The following BCAS3 variants were observed in gnomAD, a reference collection of about 807,000 sequenced individuals.
BCAS3 encodes BCAS3 microtubule associated cell migration factor, also known as BCAS4/BCAS3 fusion.
Under a neutral mutation model 116.1 loss-of-function variants are expected in BCAS3, and 53 were observed. That is an observed-to-expected ratio of 0.46 (90% CI 0.37 to 0.57). The LOEUF (loss-of-function observed/expected upper bound fraction) is 0.57. Ranked by LOEUF, BCAS3 falls within the 20% of genes least tolerant of loss-of-function variation. The probability of loss-of-function intolerance (pLI) is 0.00; values close to 1 mark genes in which losing one functional copy is unlikely to be tolerated. For synonymous variants in BCAS3, 391 were observed against 408.2 expected (o/e 0.96, Z 0.51); for missense variants, 917 against 1,165.4 (o/e 0.79, Z 3.10).
intron 22 of BCAS3, among the ~76,000 whole-genome samples, chr17:61,143,972 A>G (rs2077060718): frequency 6.6e-6 from 1 of 152,224 alleles, no homozygotes; most frequent in African/African-American, 2.4e-5. Flanking sequence ...TCATGAAATC[A>G]GAAAGAATTT....
chr17:60,728,197 C>T (rs2040105293), intron 5 of BCAS3, among the ~76,000 whole-genome samples: 1 of 152,096 alleles, frequency 6.6e-6, no homozygotes, highest in African/African-American at 2.4e-5. Flanking sequence ...AATACTCTCA[C>T]TGCCCTACAC....
In BCAS3 at chr17:61,126,120, A is replaced by G. The variant is rs970786789; in HGVS notation, c.2425+41556A>G. Among the ~76,000 whole-genome samples the G allele has an allele frequency of 3.3e-5, 5 of 152,198 alleles. No homozygotes were observed. The highest frequency in any genetic ancestry group is 9.6e-5 in the African/African-American group (4 of 41,456). ...TTTGCTTTTTACTTAAGATTACTTT[A>G]TCCTTAAAACTAATGTTTCTATAAC... On this transcript the variant is annotated intron_variant, in intron 22 of 23. Coordinates refer to ENST00000407086, the MANE Select transcript of BCAS3 (RefSeq NM_017679.5). This position sits in a 1 kb window ranked among gnomAD's most constrained non-coding sequence, Gnocchi z 4.6.
In BCAS3 at chr17:60,911,123, C is replaced by CTTTTTTTTTTTTTTTT. The variant is rs1162942971; in HGVS notation, c.993+423_993+438dup. ...AATAAATTTTTTTCTTTTTTTCTTT[C>CTTTTTTTTTTTTTTTT]TTTTTTTTTTTTTTTTTGAGATGGA... On this transcript the variant is annotated intron_variant, in intron 12 of 23. Coordinates refer to ENST00000407086, the MANE Select transcript of BCAS3 (RefSeq NM_017679.5). Among the ~76,000 whole-genome samples, 71 of 88,258 alleles carry CTTTTTTTTTTTTTTTT rather than the reference C, an allele frequency of 8.0e-4. 3 individuals carry two copies. The highest frequency in any genetic ancestry group is 1.5e-3 in the Admixed American group (8 of 5,500). 57.9% of individuals were successfully genotyped at this position (88,258 alleles called of 152,430 possible).
At chr17:60,732,329 A>G (rs1401246546) in intron 5 of BCAS3, among the ~76,000 whole-genome samples, 3 of 152,204 alleles carry the variant, frequency 2.0e-5, no homozygotes, top group East Asian at 3.8e-4. Context: ...ATATGTTTAA[A>G]TGGGCTATTT....
intron 22 of BCAS3, among the ~76,000 whole-genome samples, chr17:61,085,799 T>C (rs933865017): frequency 1.3e-5 from 2 of 152,230 alleles, no homozygotes; most frequent in Non-Finnish European, 2.9e-5. Flanking sequence ...TAAATCTTTT[T>C]TATAGTCACA....
At chr17:61,040,104 C>T (rs1218990455) in intron 18 of BCAS3, among the ~76,000 whole-genome samples, 1 of 152,118 alleles carries the variant, frequency 6.6e-6, no homozygotes. Context: ...AAAAATTGCT[C>T]CTGACATGTA....
chr17:60,911,007 T>C (rs2058465639), intron 12 of BCAS3, among the ~76,000 whole-genome samples: 1 of 152,010 alleles, frequency 6.6e-6, no homozygotes, highest in Non-Finnish European at 1.5e-5. Context: ...TTCATAATAT[T>C]CTTTTTTTTC....
At chr17:61,119,679 A>G (rs553682427) in intron 22 of BCAS3, among the ~76,000 whole-genome samples, 1 of 152,140 alleles carries the variant, frequency 6.6e-6, no homozygotes. Context: ...CAGACAAGGC[A>G]GTAATATATA....
chr17:60,924,555 G>A (rs1312214635), intron 13 of BCAS3, 55 bp downstream of exon 13: 4 of 1,331,552 alleles, frequency 3.0e-6, no homozygotes, highest in African/African-American at 3.1e-5. Context: ...TTTATATAAT[G>A]GGTTTTCCAG....
Position 61,141,685 on chromosome 17 carries a change from G to A in BCAS3, c.2425+57121G>A, listed in dbSNP as rs989879513. Among the ~76,000 whole-genome samples the A allele has an allele frequency of 6.6e-5, 10 of 151,766 alleles. No individual in the cohort carries two copies. Among genetic ancestry groups the A allele is most frequent in the East Asian group, 3.9e-4 (2 of 5,166 alleles). On this transcript the variant is annotated intron_variant, in intron 22 of 23. Coordinates refer to ENST00000407086, the MANE Select transcript of BCAS3 (RefSeq NM_017679.5). This position sits in a 1 kb window ranked among gnomAD's most constrained non-coding sequence, Gnocchi z 4.3. ...TGAGAGGCTGAGGTGGGCGGATCAC[G>A]AGGTCAAGAGATCAAGACCATCCCG...
intron 9 of BCAS3, among the ~76,000 whole-genome samples, chr17:60,876,964 T>C (rs943738797): frequency 6.6e-6 from 1 of 152,124 alleles, no homozygotes; most frequent in Non-Finnish European, 1.5e-5. Flanking sequence ...TGAATACATT[T>C]ATCAAAATTA....
At chr17:61,030,971 A>T (rs189578810) in intron 16 of BCAS3, among the ~76,000 whole-genome samples, 111 of 152,134 alleles carry the variant, frequency 7.3e-4, no homozygotes, top group African/African-American at 2.4e-3. Context: ...AAAATGGATG[A>T]GTCCACATAA....
intron 15 of BCAS3, among the ~76,000 whole-genome samples, chr17:61,003,372 GCC>G (rs2064401118): frequency 1.7e-5 from 2 of 118,056 alleles, no homozygotes; most frequent in African/African-American, 7.2e-5. Flanking sequence ...CTTTTATTAT[GCC>G]CTCCCCTCCC....
At chr17:60,724,196 G>T (rs996734238) in intron 5 of BCAS3, among the ~76,000 whole-genome samples, 10 of 151,558 alleles carry the variant, frequency 6.6e-5, no homozygotes, top group Non-Finnish European at 1.2e-4. Context: ...GGCCAAGGCA[G>T]GCGGGCCCCT....
At chr17:60,689,610 A>C in intron 3 of BCAS3, 76 bp from the exon 4 acceptor site, 1 of 1,101,158 alleles carries the variant, frequency 9.1e-7, no homozygotes, top group Non-Finnish European at 1.3e-6. Context: ...GTTGGCTTTA[A>C]GTCACTTTGT....
At chr17:61,230,330 A>G (rs1416620817) in intron 22 of BCAS3, among the ~76,000 whole-genome samples, 1 of 152,058 alleles carries the variant, frequency 6.6e-6, no homozygotes, top group Non-Finnish European at 1.5e-5. Flanking sequence ...ACATTGATGG[A>G]GGTTATAAAT....
chr17:60,716,800 G>C (rs1335576413), intron 5 of BCAS3, among the ~76,000 whole-genome samples: 1 of 152,024 alleles, frequency 6.6e-6, no homozygotes, highest in African/African-American at 2.4e-5. Flanking sequence ...GCTCCTAATA[G>C]ATTTTCCAAA....
intron 5 of BCAS3, among the ~76,000 whole-genome samples, chr17:60,728,464 C>T (rs113753767): frequency 0.032 from 4,920 of 151,982 alleles, 251 homozygotes; most frequent in African/African-American, 0.11. Context: ...ATGACAGATA[C>T]CTTTTTATTT....
chr17:61,382,409 C>T (rs1225988221), intron 23 of BCAS3, among the ~76,000 whole-genome samples: 1 of 150,958 alleles, frequency 6.6e-6, no homozygotes, highest in African/African-American at 2.4e-5. Context: ...TACAGTCACC[C>T]GCCACCACAC....
Sources: gnomAD v4.1 joint callset for allele counts (sites outside exome capture counted in the v4.1 genomes callset) on GRCh38, gnomAD v4.1.1 for gene constraint, Gnocchi (gnomAD v3.1) non-coding constraint, MANE v1.5 for transcripts, NCBI Gene and HGNC (gene_info 2026-07-23, HGNC 2026-07-21) for gene names.